Variants in CNBD1 observed in about 807,000 individuals in gnomAD.
The protein encoded by CNBD1 is cyclic nucleotide-binding domain-containing protein 1.
CNBD1 carries 71 observed loss-of-function variants against 54.4 expected under a neutral mutation model. The ratio of observed to expected loss-of-function variants is 1.30; its 90% CI spans 1.08 to 1.59. CNBD1 has a LOEUF of 1.59. Ranked by LOEUF, CNBD1 falls within the 40% of genes most tolerant of loss-of-function variation. CNBD1 has a pLI of 0.00. For missense variants in CNBD1, 659 were observed against 518.0 expected, an observed-to-expected ratio of 1.27 and a Z score of -2.64; for synonymous variants, 182 against 170.7, an observed-to-expected ratio of 1.07 and a Z score of -0.51.
chr8:87,034,390 A>G (rs1236688502), intron 4 of CNBD1, among the ~76,000 whole-genome samples: 1 of 152,218 alleles, frequency 6.6e-6, no homozygotes, highest in Non-Finnish European at 1.5e-5. Context: ...GGTTAGAATC[A>G]CCTGGTGTTT....
chr8:87,001,178 T>C (rs1355007448), intron 4 of CNBD1, among the ~76,000 whole-genome samples: 1 of 152,096 alleles, frequency 6.6e-6, no homozygotes, highest in Non-Finnish European at 1.5e-5. Context: ...TGTTCTGTTA[T>C]TGCTTTTATT....
chr8:87,225,701 C>A (rs1242858372), intron 5 of CNBD1, among the ~76,000 whole-genome samples: 1 of 151,982 alleles, frequency 6.6e-6, no homozygotes, highest in Non-Finnish European at 1.5e-5. Context: ...CTAAAATTCT[C>A]TTTTTTGGTT....
intron 2 of CNBD1, among the ~76,000 whole-genome samples, chr8:87,421,396 G>T (rs1176469160): frequency 9.2e-4 from 138 of 150,266 alleles, no homozygotes; most frequent in Non-Finnish European, 1.4e-3. Context: ...CTAGCATTAG[G>T]TATATCTCCC....
At chr8:86,964,207 G>T (rs913657664) in intron 4 of CNBD1, among the ~76,000 whole-genome samples, 2 of 152,398 alleles carry the variant, frequency 1.3e-5, no homozygotes, top group Middle Eastern at 6.8e-3. Context: ...CCAATCCCTG[G>T]TCTACCATGG....
At chr8:87,000,320 T>C (rs972065970) in intron 4 of CNBD1, among the ~76,000 whole-genome samples, 3 of 152,134 alleles carry the variant, frequency 2.0e-5, no homozygotes, top group Non-Finnish European at 2.9e-5. Context: ...CTTCCCCTTC[T>C]GCCATGATTA....
intron 4 of CNBD1, among the ~76,000 whole-genome samples, chr8:87,152,033 G>T (rs1025952153): frequency 1.3e-5 from 2 of 152,198 alleles, no homozygotes; most frequent in Non-Finnish European, 2.9e-5. Context: ...GTCTAGGGAA[G>T]TTGAGGCTAG....
intron 2 of CNBD1, among the ~76,000 whole-genome samples, chr8:87,418,473 C>A (rs1180621914): frequency 6.6e-6 from 1 of 151,908 alleles, no homozygotes; most frequent in African/African-American, 2.4e-5. Flanking sequence ...GGATATAACA[C>A]TTAAAGCACA....
At chr8:87,203,408 A>T (rs1353181754) in intron 4 of CNBD1, among the ~76,000 whole-genome samples, 1 of 152,236 alleles carries the variant, frequency 6.6e-6, no homozygotes, top group Non-Finnish European at 1.5e-5. Context: ...TCAGATTTAA[A>T]TGAAATATTT....
At chr8:87,279,120 C>G (rs1340883951) in intron 6 of CNBD1, among the ~76,000 whole-genome samples, 1 of 150,794 alleles carries the variant, frequency 6.6e-6, no homozygotes, top group Non-Finnish European at 1.5e-5. Flanking sequence ...AAGAAAAAAA[C>G]ACATATAGGA....
Position 87,264,687 on chromosome 8 carries a change from C to G in CNBD1, c.772-19991C>G, listed in dbSNP as rs1471365646. Reference sequence around the variant, plus strand: ...TGTTTCCTGACTTTTTAGTGATCGCCATTCTAACTGGTGTGAGATGATATC... The same window carrying G: ...TGTTTCCTGACTTTTTAGTGATCGCGATTCTAACTGGTGTGAGATGATATC... On this transcript the variant is annotated intron_variant, in intron 6 of 10. Coordinates refer to ENST00000518476, the MANE Select transcript of CNBD1 (RefSeq NM_173538.3). Among the ~76,000 whole-genome samples, 5 of 152,224 alleles carry G rather than the reference C, an allele frequency of 3.3e-5. No homozygotes were observed. In the East Asian group the frequency reaches 9.7e-4, roughly 29 times the overall value.
intron 6 of CNBD1, among the ~76,000 whole-genome samples, chr8:87,270,311 CAG>C: frequency 6.6e-6 from 1 of 151,858 alleles, no homozygotes; most frequent in East Asian, 1.9e-4. Flanking sequence ...AGGACATAAA[CAG>C]ACACTTTTCA....
intron 4 of CNBD1, among the ~76,000 whole-genome samples, chr8:86,999,756 A>G (rs188403806): frequency 6.2e-4 from 94 of 152,292 alleles, no homozygotes; most frequent in African/African-American, 1.9e-3. Context: ...TTGGCTTGAG[A>G]TAAAATTGGA....
At chr8:87,379,516 T>A (rs113230853) in intron 10 of CNBD1, among the ~76,000 whole-genome samples, 2,799 of 151,814 alleles carry the variant, frequency 0.018, 90 homozygotes, top group African/African-American at 0.061. Context: ...AAGAACAGAA[T>A]TTATAACAAA....
At position 87,142,821 on chromosome 8, in the gene CNBD1, G is replaced by T. The variant is rs117046922; in HGVS notation, c.432-63172G>T. ...TTTCACAATCTTGGCTGTTTGGCCA[G>T]TTTTTAACAAACCTGGAGTTTTTTT... is the stretch of plus-strand genomic sequence containing the variant. On this transcript the variant is annotated intron_variant, in intron 4 of 10. Coordinates refer to ENST00000518476, the MANE Select transcript of CNBD1 (RefSeq NM_173538.3). 6.6e-3 allele frequency among the ~76,000 whole-genome samples: 1,007 copies of T among 152,228 alleles called. 3 individuals are homozygous for T. The highest frequency in any genetic ancestry group is 0.011 in the Non-Finnish European group (766 of 67,990).
At chr8:87,032,445 A>G (rs953102541) in intron 4 of CNBD1, among the ~76,000 whole-genome samples, 11 of 152,208 alleles carry the variant, frequency 7.2e-5, no homozygotes, top group African/African-American at 1.9e-4. Context: ...AGATCATAGG[A>G]AAGAAAAAAT....
chr8:86,946,920 A>G (rs1243395412), intron 4 of CNBD1, among the ~76,000 whole-genome samples: 1 of 152,166 alleles, frequency 6.6e-6, no homozygotes, highest in Non-Finnish European at 1.5e-5. Context: ...TTTCACATAC[A>G]TGCAATTGTG....
At chr8:87,318,614 A>G (rs1809451323) in intron 8 of CNBD1, among the ~76,000 whole-genome samples, 1 of 152,072 alleles carries the variant, frequency 6.6e-6, no homozygotes, top group East Asian at 1.9e-4. Flanking sequence ...CTTCCCAGAA[A>G]CGCTGGAGGC....
chr8:87,252,998 A>T (rs1175875799), intron 6 of CNBD1, among the ~76,000 whole-genome samples: 1 of 152,168 alleles, frequency 6.6e-6, no homozygotes. Flanking sequence ...AATGCCTGGT[A>T]TGTGAAAAGT....
At chr8:87,338,351 G>T (rs1809993689) in intron 8 of CNBD1, among the ~76,000 whole-genome samples, 1 of 151,890 alleles carries the variant, frequency 6.6e-6, no homozygotes, top group Non-Finnish European at 1.5e-5. Context: ...AATATTTCTT[G>T]CAAGGCAGGT....
Sources: allele counts gnomAD v4.1 joint callset (sites outside exome capture counted in the v4.1 genomes callset), GRCh38; gene constraint gnomAD v4.1.1; transcripts MANE v1.5; gene names NCBI Gene and HGNC (gene_info 2026-07-23, HGNC 2026-07-21).